The following SLC22A25 variants were observed in gnomAD, a reference collection of about 807,000 sequenced individuals.
The protein encoded by SLC22A25 is solute carrier family 22 member 25.
A neutral mutation model predicts 45.9 loss-of-function variants in SLC22A25; 44 were observed. The ratio of observed to expected loss-of-function variants is 0.96; its 90% confidence interval spans 0.75 to 1.23. SLC22A25 has a LOEUF of 1.23. Among genes scored for constraint, SLC22A25 ranks in the 50% most tolerant of loss-of-function variants. The probability of loss-of-function intolerance (pLI) is 0.00; values close to 1 mark genes in which losing one functional copy is unlikely to be tolerated. For synonymous variants in SLC22A25, 283 were observed against 238.6 expected, an observed-to-expected ratio of 1.19 and a Z score of -1.72; for missense variants, 800 against 666.4, an observed-to-expected ratio of 1.20 and a Z score of -2.21.
intron 10 of SLC22A25, among the ~76,000 whole-genome samples, chr11:63,165,136 T>G (rs1013928550): frequency 6.6e-6 from 1 of 152,242 alleles, no homozygotes; most frequent in Admixed American, 6.5e-5. Flanking sequence ...GATTGGACAG[T>G]ATTAATGTTT....
intron 7 of SLC22A25, among the ~76,000 whole-genome samples, chr11:63,202,907 C>A (rs190184904): frequency 6.6e-6 from 1 of 152,194 alleles, no homozygotes; most frequent in African/African-American, 2.4e-5. Flanking sequence ...TACAGGAGAG[C>A]TCCAGCTGGC....
At position 63,190,669 on chromosome 11, in the gene SLC22A25, T is replaced by A. The variant is rs183109083; in HGVS notation, c.831-6852A>T. On this transcript the variant is annotated intron_variant, in intron 7 of 11. Coordinates refer to ENST00000306494, the MANE Select transcript of SLC22A25 (RefSeq NM_199352.6). The stretch of plus-strand genomic sequence containing the variant: ...TTTTTTACTCTGTTTTTTCCCCATC[T>A]CTGTGGTTTTATCTACCTTTGCTCT... Among the ~76,000 whole-genome samples, 270 of 152,304 alleles carry A rather than the reference T, an allele frequency of 1.8e-3. 1 individual carries two copies. The highest frequency in any genetic ancestry group is 6.8e-3 in the Middle Eastern group (2 of 294).
At chr11:63,226,927 G>A (rs557758514) in intron 5 of SLC22A25, among the ~76,000 whole-genome samples, 17 of 152,132 alleles carry the variant, frequency 1.1e-4, no homozygotes, top group Admixed American at 3.3e-4. Flanking sequence ...GTCCAATACC[G>A]CCACAGGCCC....
At chr11:63,200,074 G>A (rs957627339) in intron 7 of SLC22A25, among the ~76,000 whole-genome samples, 4 of 151,916 alleles carry the variant, frequency 2.6e-5, no homozygotes, top group African/African-American at 9.7e-5. Context: ...TCCACCAAAT[G>A]TACAGAGAAG....
chr11:63,168,754 T>C (rs1472874767), intron 9 of SLC22A25, among the ~76,000 whole-genome samples: 2 of 152,120 alleles, frequency 1.3e-5, no homozygotes, highest in Non-Finnish European at 2.9e-5. Flanking sequence ...CAGGACATTA[T>C]ACAGGAGAAC....
Position 63,180,721 on chromosome 11 carries a change from G to C in SLC22A25, c.1009C>G (p.Leu337Val), listed in dbSNP as rs2088288225. ...TTGGGTATGCGGAGCAATTCACAAA[G>C]AGAATGCTTTTTCTGTGCTGCCTCC... ...ELEAAQKKHSLCELLRIPNIC... is the reference protein window; with the variant it reads ...ELEAAQKKHSVCELLRIPNIC... The change falls in exon 9 of 12, where the codon CTT becomes GTT. Residue 337 changes from leucine (L) to valine (V), a missense_variant. By Grantham distance (32) the Leu-to-Val change is conservative (BLOSUM62 1). Coordinates refer to ENST00000306494, the MANE Select transcript of SLC22A25 (RefSeq NM_199352.6). 3 of 1,613,270 alleles carry C rather than the reference G, an allele frequency of 1.9e-6. No homozygotes were observed. The East Asian group carries it at 6.7e-5, about 36-fold the overall frequency.
In SLC22A25 at chr11:63,161,987, A is replaced by T. The variant is rs947570975; in HGVS notation, c.*1837T>A. 6.6e-6 allele frequency among the ~76,000 whole-genome samples: 1 copy of T among 152,164 alleles called. No individual in the cohort carries two copies. The highest frequency in any genetic ancestry group is 2.4e-5 in the African/African-American group (1 of 41,440). On this transcript the variant is annotated 3_prime_UTR_variant, in exon 12 of 12. Transcript: ENST00000306494. ...TTTAACTGAGGTAAGATGAGATCTC[A>T]TTGTAGTTTTGATTTGCATTTCTCT...
chr11:63,183,653 T>C, intron 8 of SLC22A25, 41 bp downstream of exon 8: 1 of 1,610,572 alleles, frequency 6.2e-7, no homozygotes, highest in Non-Finnish European at 8.5e-7. Flanking sequence ...TGACAATTTA[T>C]GTCTTCCCAG....
intron 7 of SLC22A25, among the ~76,000 whole-genome samples, chr11:63,212,614 C>A (rs189934741): frequency 0.012 from 1,666 of 134,542 alleles, 13 homozygotes; most frequent in Middle Eastern, 0.035. Flanking sequence ...GGGAATTGAG[C>A]AATGAGAACA....
chr11:63,181,417 G>C (rs2088317458), intron 8 of SLC22A25, among the ~76,000 whole-genome samples: 2 of 122,982 alleles, frequency 1.6e-5, no homozygotes, highest in South Asian at 5.3e-4. Flanking sequence ...AACAGTCCTG[G>C]TGTGTGATGT....
At chr11:63,212,460 A>T (rs943803367) in intron 7 of SLC22A25, among the ~76,000 whole-genome samples, 1 of 152,184 alleles carries the variant, frequency 6.6e-6, no homozygotes, top group Non-Finnish European at 1.5e-5. Flanking sequence ...AATGTGGCAC[A>T]TACACACCAT....
chr11:63,228,684 A>T, intron 4 of SLC22A25, 120 bp from the exon 5 acceptor site: 1 of 695,380 alleles, frequency 1.4e-6, no homozygotes, highest in East Asian at 2.7e-5. Flanking sequence ...CCTTTTCTGC[A>T]TTACCTGATA....
intron 9 of SLC22A25, among the ~76,000 whole-genome samples, chr11:63,175,521 G>C (rs950190068): frequency 6.6e-6 from 1 of 152,048 alleles, no homozygotes; most frequent in Non-Finnish European, 1.5e-5. Context: ...TATCAGATAT[G>C]TGGTTGGCAA....
rs1043009663 is a variant in SLC22A25, at chr11:63,162,587, T to C, written c.*1237A>G. On this transcript the variant is annotated 3_prime_UTR_variant, in exon 12 of 12. Transcript: ENST00000306494. ...TTTTACATTGTAATTATTTAAGCAA[T>C]TACTCTATTAAATAATTAAGGAAGA... is the stretch of plus-strand genomic sequence containing the variant. Among the ~76,000 whole-genome samples, 4 of 152,154 alleles carry C rather than the reference T, an allele frequency of 2.6e-5. No homozygotes were observed. Among genetic ancestry groups the C allele is most frequent in the African/African-American group, 9.6e-5 (4 of 41,460 alleles).
At chr11:63,201,480 T>G (rs1395793033) in intron 7 of SLC22A25, among the ~76,000 whole-genome samples, 1 of 152,210 alleles carries the variant, frequency 6.6e-6, no homozygotes, top group Non-Finnish European at 1.5e-5. Context: ...ACTGAACTCC[T>G]TACTTACACC....
chr11:63,168,418 T>A (rs941713800), intron 9 of SLC22A25, among the ~76,000 whole-genome samples: 1 of 152,058 alleles, frequency 6.6e-6, no homozygotes, highest in African/African-American at 2.4e-5. Context: ...TTAAGAACCT[T>A]AATAGAAGGT....
chr11:63,226,705 C>A (rs896468916), intron 5 of SLC22A25, among the ~76,000 whole-genome samples: 3 of 152,206 alleles, frequency 2.0e-5, no homozygotes, highest in South Asian at 2.1e-4. Context: ...GTGAAACCAG[C>A]CAACCTTGTG....
At chr11:63,206,611 A>C (rs1167114996) in intron 7 of SLC22A25, among the ~76,000 whole-genome samples, 2 of 152,258 alleles carry the variant, frequency 1.3e-5, no homozygotes, top group Non-Finnish European at 2.9e-5. Flanking sequence ...GGAGAATTGC[A>C]AACCACTGCT....
Position 63,217,369 on chromosome 11 carries a change from A to C in SLC22A25, c.775T>G (p.Cys259Gly), listed in dbSNP as rs1287667189. The change falls in exon 7 of 12, where the codon TGC (cysteine) becomes GGC (glycine). Residue 259 changes from cysteine to glycine, a missense_variant. By Grantham distance (159) the Cys-to-Gly change is radical. Coordinates refer to ENST00000306494, the MANE Select transcript of SLC22A25 (RefSeq NM_199352.6). The part of the protein sequence containing the change: ...GSLAFVIRDQ[C>G]ILQLVMSAPC... ...GCAGACATCACCAACTGGAGGATGCACTGGTCTCGAATGACAAAAGCCAGG... is the reference window on the plus strand; with the variant it reads ...GCAGACATCACCAACTGGAGGATGCCCTGGTCTCGAATGACAAAAGCCAGG... 1.2e-6 allele frequency: 2 copies of C among 1,613,930 alleles called. No homozygotes were observed. Among genetic ancestry groups the C allele is most frequent in the Non-Finnish European group, 1.7e-6 (2 of 1,180,006 alleles).
Sources: gnomAD v4.1 joint callset for allele counts (sites outside exome capture counted in the v4.1 genomes callset) on GRCh38, gnomAD v4.1.1 for gene constraint, MANE v1.5 for transcripts, NCBI Gene and HGNC (gene_info 2026-07-23, HGNC 2026-07-21) for gene names.